DMD: variants seen among roughly 807,000 people sequenced by gnomAD.
DMD encodes the protein dystrophin, also known as mutant dystrophin.
DMD carries 63 observed loss-of-function variants against 330.1 expected under a neutral mutation model. The ratio of observed to expected loss-of-function variants is 0.19; its 90% CI spans 0.16 to 0.24. The LOEUF (loss-of-function observed/expected upper bound fraction) is 0.24, where lower values mean the gene tolerates loss of function less well. Among genes scored for constraint, DMD ranks in the 10% least tolerant of loss-of-function variants. The pLI is 1.00. For synonymous variants in DMD, 1,223 were observed against 959.8 expected, an observed-to-expected ratio of 1.27 and a Z score of -5.07; for missense variants, 3,344 against 2,684.1, an observed-to-expected ratio of 1.25 and a Z score of -5.43.
chrX:33,081,430 C>T (rs764578787), intron 1 of DMD, among the ~76,000 whole-genome samples: 11 of 111,638 alleles, frequency 9.9e-5, no homozygotes, highest in African/African-American at 3.3e-4. Flanking sequence ...TGTGCCACCA[C>T]GCCTGGCTAA....
At chrX:33,204,626 T>G (rs2051463219) in intron 1 of DMD, among the ~76,000 whole-genome samples, 1 of 111,671 alleles carries the variant, frequency 9.0e-6, no homozygotes, top group African/African-American at 3.3e-5. Flanking sequence ...ACATCCTCCT[T>G]GAAATGCTAG....
At chrX:31,157,973 A>T (rs1457657388) in intron 74 of DMD, among the ~76,000 whole-genome samples, 1 of 103,582 alleles carries the variant, frequency 9.7e-6, no homozygotes, top group African/African-American at 3.5e-5. Flanking sequence ...CTGGCTAATT[A>T]AAAAAAAAAA....
intron 48 of DMD, among the ~76,000 whole-genome samples, chrX:31,864,375 T>G (rs1253770467): frequency 9.0e-6 from 1 of 110,774 alleles, no homozygotes; most frequent in African/African-American, 3.3e-5. Context: ...ATCCTTTTCC[T>G]TATATGGGCA....
At chrX:31,986,296 A>AT (rs994348411) in intron 44 of DMD, among the ~76,000 whole-genome samples, 2 of 111,845 alleles carry the variant, frequency 1.8e-5, no homozygotes, top group Non-Finnish European at 3.8e-5. Context: ...AGATGATAAA[A>AT]TTTTTTTTGT....
At position 33,205,508 on chromosome X, in the gene DMD, G is replaced by A. The variant is rs943234685; in HGVS notation, c.31+5774C>T. Reference sequence around the variant, plus strand: ...CTCAGGCTAAGGTACTATTGCAACCGTAATCTGATAAAGGAAGAGACAAGT... The same window carrying A: ...CTCAGGCTAAGGTACTATTGCAACCATAATCTGATAAAGGAAGAGACAAGT... On this transcript the variant is annotated intron_variant, in intron 1 of 78. Coordinates refer to ENST00000357033, the MANE Select transcript of DMD (RefSeq NM_004006.3). Among the ~76,000 whole-genome samples the A allele has an allele frequency of 7.1e-5, 8 of 112,010 alleles. No homozygotes were observed. The Middle Eastern group carries it at 0.018, about 257-fold the overall frequency.
At chrX:31,840,761 T>C (rs1199882951) in intron 48 of DMD, among the ~76,000 whole-genome samples, 1 of 110,525 alleles carries the variant, frequency 9.0e-6, no homozygotes, top group Non-Finnish European at 1.9e-5. Flanking sequence ...TTTAATAGTT[T>C]CAGGGTGCCA....
chrX:33,115,761 G>A (rs1273122747), intron 1 of DMD, among the ~76,000 whole-genome samples: 2 of 109,693 alleles, frequency 1.8e-5, no homozygotes, highest in Non-Finnish European at 3.8e-5. Context: ...GTGATCCGCC[G>A]GCCTCCCAAA....
chrX:31,728,344 C>CTAG (rs2086242032), intron 52 of DMD, among the ~76,000 whole-genome samples: 1 of 111,811 alleles, frequency 8.9e-6, no homozygotes, highest in Admixed American at 9.5e-5. Flanking sequence ...TTCTTGGAAC[C>CTAG]TGTTTTCTCG....
chrX:33,281,211 T>G (rs905038050), intron 1 of DMD, among the ~76,000 whole-genome samples: 7 of 18,806 alleles, frequency 3.7e-4, no homozygotes, highest in Non-Finnish European at 9.0e-4. Flanking sequence ...TGCTATTGCA[T>G]TTTTTTTTTT....
At chrX:33,260,339 C>G (rs1285976005) in intron 1 of DMD, among the ~76,000 whole-genome samples, 1 of 111,096 alleles carries the variant, frequency 9.0e-6, no homozygotes, top group Non-Finnish European at 1.9e-5. Context: ...CTTCAAGAAT[C>G]AGCGACACAC....
intron 47 of DMD, among the ~76,000 whole-genome samples, chrX:31,928,299 G>T (rs1401711516): frequency 1.8e-5 from 2 of 111,634 alleles, no homozygotes; most frequent in African/African-American, 6.5e-5. Flanking sequence ...CAGACTGTCT[G>T]GTTGGAGTAA....
At chrX:32,950,891 G>T (rs760833950) in intron 2 of DMD, among the ~76,000 whole-genome samples, 2 of 111,214 alleles carry the variant, frequency 1.8e-5, no homozygotes, top group African/African-American at 6.5e-5. Context: ...GCTAGGTCCC[G>T]GGAGTAAAAG....
Position 31,653,750 on chromosome X carries a change from A to G in DMD, c.8027+4240T>C, listed in dbSNP as rs896364016. Among the ~76,000 whole-genome samples the G allele has an allele frequency of 1.3e-4, 14 of 111,487 alleles. No homozygotes were observed. In the Admixed American group the frequency reaches 1.3e-3, roughly 11 times the overall value. On this transcript the variant is annotated intron_variant, in intron 54 of 78. Coordinates refer to ENST00000357033, the MANE Select transcript of DMD (RefSeq NM_004006.3). ...CTAATATTATCTTATTCACAAACTC[A>G]TATCTATTCACAGAGATTGAAGACA... is the stretch of plus-strand genomic sequence containing the variant.
chrX:32,827,036 G>C (rs192032664), intron 4 of DMD, among the ~76,000 whole-genome samples: 64 of 96,080 alleles, frequency 6.7e-4, no homozygotes, highest in Non-Finnish European at 9.5e-4. Flanking sequence ...TAAAAAATAA[G>C]TCATTGGAAC....
intron 55 of DMD, chrX:31,508,211 T>C: frequency 8.3e-7 from 1 of 1,202,275 alleles, no homozygotes; most frequent in Non-Finnish European, 1.1e-6. Flanking sequence ...ATCTGACCTT[T>C]ACATGGTATG....
intron 61 of DMD, among the ~76,000 whole-genome samples, 177 bp from the exon 62 acceptor site, chrX:31,323,835 G>A (rs751510960): frequency 5.5e-5 from 6 of 110,020 alleles, no homozygotes; most frequent in African/African-American, 1.3e-4. Flanking sequence ...TAATCTAAGC[G>A]AAACTGAACT....
chrX:32,534,066 A>G (rs774842610), intron 17 of DMD, among the ~76,000 whole-genome samples: 2 of 112,105 alleles, frequency 1.8e-5, no homozygotes, highest in Non-Finnish European at 3.8e-5. Context: ...AGTAATACTC[A>G]TTGCTTAACA....
At chrX:32,915,244 C>G (rs1238386681) in intron 2 of DMD, among the ~76,000 whole-genome samples, 1 of 111,200 alleles carries the variant, frequency 9.0e-6, no homozygotes, top group African/African-American at 3.3e-5. Flanking sequence ...AAGGATGAGG[C>G]CAGAGAACAT....
chrX:32,933,939 T>C (rs2089797290), intron 2 of DMD, among the ~76,000 whole-genome samples: 1 of 111,723 alleles, frequency 9.0e-6, no homozygotes, highest in Non-Finnish European at 1.9e-5. Flanking sequence ...CTCAACCTAA[T>C]TTATTTCTGC....
Sources: gnomAD v4.1 joint callset for allele counts (sites outside exome capture counted in the v4.1 genomes callset) on GRCh38, gnomAD v4.1.1 for gene constraint, MANE v1.5 for transcripts, NCBI Gene and HGNC (gene_info 2026-07-23, HGNC 2026-07-21) for gene names.